Variants in CSMD3 observed in about 807,000 individuals in gnomAD.
The protein encoded by CSMD3 is CUB and Sushi multiple domains 3.
In CSMD3, 177 loss-of-function variants were observed where a neutral mutation model predicts 435.2. The ratio of observed to expected loss-of-function variants is 0.41; its 90% confidence interval spans 0.36 to 0.46. The LOEUF (loss-of-function observed/expected upper bound fraction) is 0.46. Among genes scored for constraint, CSMD3 ranks in the 20% least tolerant of loss-of-function variants. The probability of loss-of-function intolerance (pLI) is 0.34; values close to 1 mark genes in which losing one functional copy is unlikely to be tolerated. For synonymous variants in CSMD3, 1,656 were observed against 1,520.5 expected (o/e 1.09, Z -2.07); for missense variants, 4,265 against 4,504.6 (o/e 0.95, Z 1.52).
intron 6 of CSMD3, among the ~76,000 whole-genome samples, chr8:112,985,973 C>A (rs1474704124): frequency 6.6e-6 from 1 of 152,112 alleles, no homozygotes; most frequent in African/African-American, 2.4e-5. Context: ...CAGAAACCAT[C>A]CCCACCCCCG....
At chr8:113,275,407 C>G (rs1423475425) in intron 3 of CSMD3, among the ~76,000 whole-genome samples, 3 of 152,022 alleles carry the variant, frequency 2.0e-5, no homozygotes, top group African/African-American at 4.8e-5. Flanking sequence ...TCTCTTATTA[C>G]AATGCATATT....
intron 32 of CSMD3, among the ~76,000 whole-genome samples, chr8:112,420,013 T>C (rs1165144035): frequency 6.6e-6 from 1 of 152,222 alleles, no homozygotes; most frequent in Non-Finnish European, 1.5e-5. Context: ...TTTGAATGTG[T>C]GCTTTTATTT....
rs558603115 is a variant in CSMD3 at position 112,624,080 on chromosome 8, A to T, written c.3715+12737T>A. Among the ~76,000 whole-genome samples, 45 of 152,138 alleles carry T rather than the reference A, an allele frequency of 3.0e-4. No homozygotes were observed. The East Asian group carries it at 5.8e-3, about 20-fold the overall frequency. Reference sequence around the variant, plus strand: ...AATAGATATTAAAAGTTTTTTGAAAATTTTTAATGCTACATTATCACCCAT... The same window carrying T: ...AATAGATATTAAAAGTTTTTTGAAATTTTTTAATGCTACATTATCACCCAT... On this transcript the variant is annotated intron_variant, in intron 22 of 70. Transcript: ENST00000297405.
rs559939282 is a variant in CSMD3, at chr8:112,696,515, T to C, written c.1973-6465A>G. On this transcript the variant is annotated intron_variant, in intron 13 of 70. Transcript: ENST00000297405. ...AATAAATGGTGCTGGGAAAACTGGC[T>C]AGCCATACATAGAAAGCTGAAACTG... Among the ~76,000 whole-genome samples, 232 of 152,210 alleles carry C rather than the reference T, an allele frequency of 1.5e-3. 2 individuals are homozygous for C. Among genetic ancestry groups the C allele is most frequent in the Non-Finnish European group, 2.5e-3 (168 of 67,996 alleles).
intron 35 of CSMD3, among the ~76,000 whole-genome samples, chr8:112,401,413 T>C (rs984855205): frequency 7.9e-5 from 12 of 152,098 alleles, no homozygotes; most frequent in Non-Finnish European, 1.3e-4. Context: ...TAACTCTGTC[T>C]CATCTGCATG....
chr8:113,206,891 T>G (rs1294113904), intron 3 of CSMD3, among the ~76,000 whole-genome samples: 1 of 152,196 alleles, frequency 6.6e-6, no homozygotes, highest in African/African-American at 2.4e-5. Context: ...TATTCTTACA[T>G]ACTATCAAGT....
chr8:112,992,235 T>C (rs1170389794), intron 6 of CSMD3, among the ~76,000 whole-genome samples: 1 of 151,750 alleles, frequency 6.6e-6, no homozygotes, highest in Non-Finnish European at 1.5e-5. Flanking sequence ...TCTTTCTCCC[T>C]CTCCTTCGTC....
intron 13 of CSMD3, among the ~76,000 whole-genome samples, chr8:112,762,329 T>C (rs757198014): frequency 6.6e-6 from 1 of 151,934 alleles, no homozygotes; most frequent in East Asian, 1.9e-4. Flanking sequence ...ATAAAGGATA[T>C]CGGATTAGAT....
At chr8:113,068,097 A>ATGCTGTATAAAAAGAG (rs1246352490) in intron 5 of CSMD3, among the ~76,000 whole-genome samples, 4 of 152,162 alleles carry the variant, frequency 2.6e-5, no homozygotes, top group Non-Finnish European at 5.9e-5. Flanking sequence ...CTGTGGAAAA[A>ATGCTGTATAAAAAGAG]TGCTGTATAA....
intron 12 of CSMD3, among the ~76,000 whole-genome samples, chr8:112,815,429 T>C (rs961762577): frequency 2.6e-5 from 4 of 152,324 alleles, no homozygotes; most frequent in South Asian, 4.1e-4. Flanking sequence ...AGGCCAAATC[T>C]TTAGCATACA....
chr8:113,309,051 C>T lies in CSMD3; in HGVS notation c.401+5520G>A, dbSNP rs1045059855. On this transcript the variant is annotated intron_variant, in intron 2 of 70. Coordinates refer to ENST00000297405, the MANE Select transcript of CSMD3 (RefSeq NM_198123.2). ...GCAACCTCCGCTTCCTGGGTTCAAG[C>T]AATCCTCCCACCTCAGCCTCCAGAG... 2.0e-5 allele frequency among the ~76,000 whole-genome samples: 3 copies of T among 152,144 alleles called. No individual in the cohort carries two copies. In the East Asian group the frequency reaches 5.8e-4, roughly 29 times the overall value.
At chr8:113,425,140 A>T (rs1588701852) in intron 1 of CSMD3, among the ~76,000 whole-genome samples, 1 of 151,466 alleles carries the variant, frequency 6.6e-6, no homozygotes, top group Non-Finnish European at 1.5e-5. Flanking sequence ...CTGATAAGTA[A>T]CCCACTGGTT....
chr8:112,761,832 G>A (rs2077846199), intron 13 of CSMD3, among the ~76,000 whole-genome samples: 1 of 152,002 alleles, frequency 6.6e-6, no homozygotes, highest in Non-Finnish European at 1.5e-5. Flanking sequence ...GTATGTGCAT[G>A]TGTATGTAAG....
chr8:113,131,077 G>C (rs1588128108), intron 4 of CSMD3, among the ~76,000 whole-genome samples: 1 of 152,164 alleles, frequency 6.6e-6, no homozygotes, highest in Non-Finnish European at 1.5e-5. Context: ...TGATGAAAGA[G>C]ATGGTCTGAA....
At chr8:112,677,824 C>T (rs1407074920) in intron 16 of CSMD3, among the ~76,000 whole-genome samples, 3 of 151,964 alleles carry the variant, frequency 2.0e-5, no homozygotes, top group Admixed American at 6.6e-5. Context: ...CTAAAGGATA[C>T]CCAATTTCTT....
intron 59 of CSMD3, among the ~76,000 whole-genome samples, chr8:112,270,711 A>G (rs1817451465): frequency 6.6e-6 from 1 of 152,132 alleles, no homozygotes; most frequent in African/African-American, 2.4e-5. Context: ...GGTTTTTGTA[A>G]GAAAACATGC....
chr8:112,496,232 G>A (rs1003626731), intron 30 of CSMD3, among the ~76,000 whole-genome samples: 5 of 152,102 alleles, frequency 3.3e-5, no homozygotes, highest in African/African-American at 1.2e-4. Context: ...GCCTCCCAAA[G>A]TGCTGGAAAT....
chr8:113,106,839 CTT>C (rs1299246776), intron 4 of CSMD3, among the ~76,000 whole-genome samples: 10 of 149,364 alleles, frequency 6.7e-5, no homozygotes, highest in Non-Finnish European at 1.2e-4. Flanking sequence ...TCTTTATTCT[CTT>C]TCTTTTTTTT....
chr8:113,303,037 T>G (rs376279503), intron 2 of CSMD3, among the ~76,000 whole-genome samples: 1 of 93,378 alleles, frequency 1.1e-5, no homozygotes, highest in East Asian at 2.9e-4. Flanking sequence ...AAAATGTCCT[T>G]AAGCTGATAA....
Sources: allele counts gnomAD v4.1 joint callset (sites outside exome capture counted in the v4.1 genomes callset), GRCh38; gene constraint gnomAD v4.1.1; transcripts MANE v1.5; gene names NCBI Gene and HGNC (gene_info 2026-07-23, HGNC 2026-07-21).